The following TULP4 variants were observed in gnomAD, a reference collection of about 807,000 sequenced individuals.
TULP4 encodes the protein TUB like protein 4, also known as tubby-related protein 4.
Under a neutral mutation model 129.0 loss-of-function variants are expected in TULP4, and 16 were observed. The observed-to-expected ratio is 0.12, with a 90% CI of 0.08 to 0.19. The LOEUF (loss-of-function observed/expected upper bound fraction) is 0.19. TULP4 is among the 10% of genes least tolerant of loss of function. TULP4 has a pLI of 1.00. For missense variants in TULP4, 1,842 were observed against 2,059.1 expected (o/e 0.89, Z 2.04); for synonymous variants, 998 against 854.0 (o/e 1.17, Z -2.94).
At chr6:158,247,547 T>G (rs1243435664) in intron 1 of TULP4, among the ~76,000 whole-genome samples, 1 of 152,246 alleles carries the variant, frequency 6.6e-6, no homozygotes, top group African/African-American at 2.4e-5. Context: ...TTTTATTAGT[T>G]TCTTGTCAAG....
intron 1 of TULP4, among the ~76,000 whole-genome samples, chr6:158,294,446 C>T (rs1288705036): frequency 2.0e-5 from 3 of 152,076 alleles, no homozygotes; most frequent in Non-Finnish European, 4.4e-5. Flanking sequence ...TCAGGACCTG[C>T]TTCCATCTGT....
At chr6:158,386,676 T>C (rs1001791466) in intron 1 of TULP4, among the ~76,000 whole-genome samples, 11 of 152,344 alleles carry the variant, frequency 7.2e-5, no homozygotes, top group African/African-American at 2.6e-4. Context: ...CAGTATACCA[T>C]AGTGTTTAAG....
intron 3 of TULP4, among the ~76,000 whole-genome samples, chr6:158,443,495 G>A (rs577047576): frequency 1.3e-5 from 2 of 152,212 alleles, no homozygotes; most frequent in South Asian, 4.1e-4. Context: ...TGTCTTAGAA[G>A]GGTGAATAAA....
chr6:158,458,114 T>C (rs1302519652), intron 5 of TULP4, among the ~76,000 whole-genome samples: 1 of 152,158 alleles, frequency 6.6e-6, no homozygotes, highest in Non-Finnish European at 1.5e-5. Flanking sequence ...AACTTCAGAC[T>C]CCAAACAGTA....
At chr6:158,454,490 C>G (rs181607996) in intron 5 of TULP4, among the ~76,000 whole-genome samples, 1 of 149,036 alleles carries the variant, frequency 6.7e-6, no homozygotes, top group East Asian at 2.0e-4. Context: ...ATATAATTAC[C>G]ACTCAGTTCC....
At chr6:158,331,163 C>T (rs1221478430) in intron 1 of TULP4, among the ~76,000 whole-genome samples, 5 of 152,174 alleles carry the variant, frequency 3.3e-5, no homozygotes, top group South Asian at 2.1e-4. Context: ...TATTCCTTAT[C>T]AGAATTTCTT....
At chr6:158,360,428 T>C (rs1583793732) in intron 1 of TULP4, among the ~76,000 whole-genome samples, 1 of 152,222 alleles carries the variant, frequency 6.6e-6, no homozygotes, top group Non-Finnish European at 1.5e-5. Context: ...CAAGAGGCTG[T>C]ATTCTTATAT....
intron 3 of TULP4, 59 bp from the exon 4 acceptor site, chr6:158,448,937 G>A (rs754542090): frequency 6.6e-7 from 1 of 1,521,502 alleles, no homozygotes; most frequent in Non-Finnish European, 8.9e-7. Context: ...AGGCAACAAG[G>A]TGTGCCAGAA....
At chr6:158,483,927 T>TG (rs1398332657) in intron 8 of TULP4, among the ~76,000 whole-genome samples, 2 of 151,648 alleles carry the variant, frequency 1.3e-5, no homozygotes, top group African/African-American at 2.4e-5. Flanking sequence ...CCAGTAGTTT[T>TG]TTTTTTTTTC....
intron 9 of TULP4, among the ~76,000 whole-genome samples, chr6:158,492,776 T>C (rs1405253504): frequency 6.6e-6 from 1 of 152,216 alleles, no homozygotes; most frequent in Non-Finnish European, 1.5e-5. Context: ...AATGCATTTT[T>C]TCATAGACTG....
rs543410123 is a variant in TULP4, at chr6:158,479,497, A to C, written c.1027-254A>C. 5.3e-4 allele frequency among the ~76,000 whole-genome samples: 80 copies of C among 152,252 alleles called. 1 individual carries two copies. The Middle Eastern group carries it at 0.01, about 19-fold the overall frequency. ...CAGGCTGGTCTTTCAGCCTGGCCTC[A>C]TGCAATCTTCCCACCTTGGCCTTCT... On this transcript the variant is annotated intron_variant, in intron 6 of 13. Coordinates refer to ENST00000367097, the MANE Select transcript of TULP4 (RefSeq NM_020245.5).
At chr6:158,330,097 A>T (rs1779842802) in intron 1 of TULP4, among the ~76,000 whole-genome samples, 1 of 151,898 alleles carries the variant, frequency 6.6e-6, no homozygotes, top group Non-Finnish European at 1.5e-5. Context: ...ATATTTCAGC[A>T]TGTAATCGAT....
intron 3 of TULP4, among the ~76,000 whole-genome samples, chr6:158,443,957 C>T (rs561349600): frequency 3.7e-4 from 56 of 152,156 alleles, no homozygotes; most frequent in Middle Eastern, 3.4e-3. Flanking sequence ...CGGTGGCTCA[C>T]GCCTGTAATC....
chr6:158,390,466 T>C (rs1220914258), intron 1 of TULP4, among the ~76,000 whole-genome samples: 14 of 152,240 alleles, frequency 9.2e-5, no homozygotes, highest in Non-Finnish European at 4.4e-5. Context: ...GTTTTGTTTT[T>C]AGTGATTTGT....
intron 6 of TULP4, among the ~76,000 whole-genome samples, chr6:158,470,171 C>A (rs1779646760): frequency 6.6e-6 from 1 of 152,226 alleles, no homozygotes; most frequent in Non-Finnish European, 1.5e-5. Flanking sequence ...GCAATGGGCA[C>A]CTCGCTGGAT....
chr6:158,389,648 G>A (rs1050605696), intron 1 of TULP4, among the ~76,000 whole-genome samples: 2 of 152,062 alleles, frequency 1.3e-5, no homozygotes, highest in African/African-American at 4.8e-5. Flanking sequence ...GCAAAATGCT[G>A]TGAAAGGGCA....
chr6:158,455,694 G>A (rs955794500), intron 5 of TULP4, among the ~76,000 whole-genome samples: 22 of 150,530 alleles, frequency 1.5e-4, no homozygotes, highest in Non-Finnish European at 2.7e-4. Flanking sequence ...CTGAGATTGC[G>A]CCATTGCACT....
Position 158,506,748 on chromosome 6 carries a change from G to A in TULP4, c.*54G>A, listed in dbSNP as rs1025004884. 2.5e-5 allele frequency: 32 copies of A among 1,286,274 alleles called. No homozygotes were observed. The highest frequency in any genetic ancestry group is 3.6e-5 in the South Asian group (3 of 84,132). 79.7% of individuals were successfully genotyped at this position (1,286,274 alleles called of 1,614,324 possible). On this transcript the variant is annotated 3_prime_UTR_variant, in exon 14 of 14. Transcript: ENST00000367097. ...CAGAGAGCCTTTGGAAGAGGTCTTC[G>A]GAGATGCCAGAGGAGCCCTCTAGGG... is the stretch of plus-strand genomic sequence containing the variant.
chr6:158,331,714 CACACACACACACACATACGTAT>C lies in TULP4; in HGVS notation c.252+17448_252+17469del, dbSNP rs1341701052. Among the ~76,000 whole-genome samples the C allele has an allele frequency of 5.5e-3, 139 of 25,154 alleles. 7 individuals carry two copies. Among genetic ancestry groups the C allele is most frequent in the South Asian group, 0.017 (7 of 414 alleles). 16.5% of individuals were successfully genotyped at this position (25,154 alleles called of 152,430 possible). A position where few individuals can be genotyped will look rare whatever the true frequency, so the allele number is the denominator to read the frequency against. On this transcript the variant is annotated intron_variant, in intron 1 of 13. Transcript: ENST00000367097. ...ACACACACACACACACACACACACA[CACACACACACACACATACGTAT>C]ATATATACGTGTATATACACGTGTA...
Sources: allele counts gnomAD v4.1 joint callset (sites outside exome capture counted in the v4.1 genomes callset), GRCh38; gene constraint gnomAD v4.1.1; transcripts MANE v1.5; gene names NCBI Gene and HGNC (gene_info 2026-07-23, HGNC 2026-07-21).